The following ADA variants were observed in gnomAD, a reference collection of about 807,000 sequenced individuals.
The protein encoded by ADA is adenosine aminohydrolase.
ADA carries 45 observed loss-of-function variants against 49.0 expected under a neutral mutation model. The observed-to-expected ratio is 0.92, with a 90% CI of 0.72 to 1.18. The LOEUF (loss-of-function observed/expected upper bound fraction) is 1.18, where lower values mean the gene tolerates loss of function less well. Ranked by LOEUF, ADA falls within the 50% of genes most tolerant of loss-of-function variation. The probability of loss-of-function intolerance (pLI) is 0.00; values close to 1 mark genes in which losing one functional copy is unlikely to be tolerated. For synonymous variants in ADA, 173 were observed against 184.2 expected (o/e 0.94, Z 0.49); for missense variants, 445 against 472.5 (o/e 0.94, Z 0.54).
chr20:44,640,817 A>G (rs1451019586), intron 1 of ADA, among the ~76,000 whole-genome samples: 1 of 152,014 alleles, frequency 6.6e-6, no homozygotes, highest in Non-Finnish European at 1.5e-5. Flanking sequence ...AGAAACACAC[A>G]CAAGAGGAAG....
intron 6 of ADA, chr20:44,623,852 A>G (rs2065356502): frequency 8.0e-6 from 3 of 377,196 alleles, no homozygotes; most frequent in East Asian, 7.3e-5. Context: ...GACTCAAGCA[A>G]TTCTCCCACC....
intron 9 of ADA, among the ~76,000 whole-genome samples, chr20:44,621,750 T>C (rs1043990764): frequency 1.1e-4 from 17 of 152,206 alleles, no homozygotes; most frequent in Admixed American, 9.2e-4. Context: ...TTAAATACCA[T>C]TGTCCTTCTG....
Position 44,623,089 on chromosome 20 carries a change from GA to G in ADA, c.607-12del. 1.2e-6 allele frequency: 2 copies of G among 1,613,946 alleles called. No individual in the cohort carries two copies. Among genetic ancestry groups the G allele is most frequent in the Non-Finnish European group, 8.5e-7 (1 of 1,179,992 alleles). On this transcript the variant is annotated splice_polypyrimidine_tract_variant and intron_variant, in intron 6 of 11. Coordinates refer to ENST00000372874, the MANE Select transcript of ADA (RefSeq NM_000022.4). ...GCTCTTCACAGCCTCCTGGAAGGGG[GA>G]GAGCCAGGTCATGGGTGCCCTAGCG...
At chr20:44,627,542 G>A (rs183191989) in intron 3 of ADA, among the ~76,000 whole-genome samples, 1 of 152,194 alleles carries the variant, frequency 6.6e-6, no homozygotes, top group East Asian at 1.9e-4. Context: ...TTTCTCCCAG[G>A]TCCTTATCAC....
intron 1 of ADA, among the ~76,000 whole-genome samples, chr20:44,640,110 C>T (rs1488805181): frequency 2.0e-5 from 3 of 151,972 alleles, no homozygotes; most frequent in Non-Finnish European, 4.4e-5. Flanking sequence ...ATCCCCAGAA[C>T]CTGTAAATAT....
At chr20:44,634,125 C>A (rs2065458199) in intron 2 of ADA, among the ~76,000 whole-genome samples, 1 of 152,224 alleles carries the variant, frequency 6.6e-6, no homozygotes, top group South Asian at 2.1e-4. Context: ...CCACCCGGCG[C>A]TCCCAGCCCC....
chr20:44,647,028 T>A (rs777059335), intron 1 of ADA, among the ~76,000 whole-genome samples: 1 of 152,058 alleles, frequency 6.6e-6, no homozygotes. Flanking sequence ...AGTCACTGTA[T>A]GCAAAGCAGG....
intron 1 of ADA, among the ~76,000 whole-genome samples, chr20:44,650,299 C>G (rs1301879032): frequency 6.6e-6 from 1 of 152,220 alleles, no homozygotes; most frequent in East Asian, 1.9e-4. Context: ...CCAGGCCTCA[C>G]CCTCCTCAGA....
chr20:44,636,322 G>C, intron 1 of ADA, 34 bp from the exon 2 acceptor site: 1 of 1,536,642 alleles, frequency 6.5e-7, no homozygotes, highest in Non-Finnish European at 8.9e-7. Flanking sequence ...AGAGAGAAAG[G>C]GAGAGAGAGA....
In ADA at chr20:44,651,699, C is replaced by A. The variant is rs2065648690; in HGVS notation, c.-92G>T. ...GCCGCTCGGCTTTCCCTGGGGCCAG[C>A]GGTGGCCGCGGCCGGCCACGCTCTT... On this transcript the variant is annotated 5_prime_UTR_variant, in exon 1 of 12. Transcript: ENST00000372874. The A allele has an allele frequency of 1.5e-6, 2 of 1,357,380 alleles. No homozygotes were observed. The highest frequency in any genetic ancestry group is 1.7e-5 in the South Asian group (1 of 57,686). 84.1% of individuals were successfully genotyped at this position (1,357,380 alleles called of 1,614,324 possible).
chr20:44,624,225 G>T lies in ADA; in HGVS notation c.583C>A (p.Pro195Thr). 6.2e-7 allele frequency: 1 copy of T among 1,613,328 alleles called. No individual in the cohort carries two copies. The change falls in exon 6 of 12, where the codon CCT becomes ACT. Residue 195 changes from proline (P) to threonine (T), a missense_variant. Pro to Thr is a conservative substitution (Grantham distance 38). Transcript: ENST00000372874. ...DETIPGSSLL[P>T]GHVQAYQEAV... ...ACCTGGTAGGCCTGGACATGTCCAG[G>T]CAAGAGGCTGCTTCCTGGGATGGTC...
In ADA at chr20:44,625,639, G is replaced by GGGCCCCTC; in HGVS notation, c.407_408insGAGGGGCC (p.Leu137ArgfsTer45). On this transcript the variant is annotated frameshift_variant, in exon 5 of 12. Coordinates refer to ENST00000372874, the MANE Select transcript of ADA (RefSeq NM_000022.4). LOFTEE classifies it high-confidence loss of function. ...CGAAGTCTCGCTCCCCCTCCTGCAG[G>GGGCCCCTC]CCCTGGCCCACTAGGGCCACCACCT... is the stretch of plus-strand genomic sequence containing the variant. The GGGCCCCTC allele has an allele frequency of 6.3e-7, 1 of 1,580,046 alleles. No individual in the cohort carries two copies. Among genetic ancestry groups the GGGCCCCTC allele is most frequent in the South Asian group, 1.2e-5 (1 of 86,404 alleles).
intron 2 of ADA, 36 bp from the exon 3 acceptor site, chr20:44,629,205 G>T: frequency 6.2e-7 from 1 of 1,613,830 alleles, no homozygotes; most frequent in East Asian, 2.2e-5. Flanking sequence ...ACCAACCCGG[G>T]GCAGGATCCA....
chr20:44,622,771 CTA>C, intron 8 of ADA, 56 bp downstream of exon 8: 1 of 1,614,104 alleles, frequency 6.2e-7, no homozygotes. Context: ...TTCTGCCTCT[CTA>C]TACAGGAAGT....
intron 2 of ADA, among the ~76,000 whole-genome samples, chr20:44,634,206 C>A (rs1024338169): frequency 1.3e-5 from 2 of 152,264 alleles, no homozygotes; most frequent in African/African-American, 4.8e-5. Context: ...TGGTGCCCCA[C>A]TGAACGACCT....
At chr20:44,633,589 G>A (rs1306547246) in intron 2 of ADA, among the ~76,000 whole-genome samples, 2 of 152,152 alleles carry the variant, frequency 1.3e-5, no homozygotes, top group Non-Finnish European at 1.5e-5. Context: ...AGCACTGCAG[G>A]GCCCGTAGAG....
At chr20:44,643,544 C>T (rs1418356256) in intron 1 of ADA, among the ~76,000 whole-genome samples, 2 of 152,170 alleles carry the variant, frequency 1.3e-5, no homozygotes, top group South Asian at 2.1e-4. Context: ...AGGCTAAGCC[C>T]GGAGAAGTTC....
intron 11 of ADA, 150 bp from the exon 12 acceptor site, chr20:44,619,997 G>T: frequency 1.8e-6 from 2 of 1,128,972 alleles, no homozygotes; most frequent in Non-Finnish European, 2.6e-6. Flanking sequence ...GAAAGGAGCA[G>T]AACAGGCCTG....
Position 44,621,010 on chromosome 20 carries a change from C to A in ADA, c.975+8G>T, listed in dbSNP as rs192148185. ...GAGTCAAGGCCAGTATGGCTCACAC[C>A]CACTCACCAGCCTTTTAAACTCCTC... On this transcript the variant is annotated splice_region_variant and intron_variant, in intron 10 of 11. Coordinates refer to ENST00000372874, the MANE Select transcript of ADA (RefSeq NM_000022.4). The A allele has an allele frequency of 1.9e-6, 3 of 1,613,750 alleles. No individual in the cohort carries two copies. In the African/African-American group the frequency reaches 4.0e-5, roughly 22 times the overall value.
Sources: gnomAD v4.1 joint callset for allele counts (sites outside exome capture counted in the v4.1 genomes callset) on GRCh38, gnomAD v4.1.1 for gene constraint, MANE v1.5 for transcripts, NCBI Gene and HGNC (gene_info 2026-07-23, HGNC 2026-07-21) for gene names.